The following PIK3AP1 variants were observed in gnomAD, a reference collection of about 807,000 sequenced individuals.
The protein encoded by PIK3AP1 is phosphoinositide 3-kinase adapter protein 1.
A neutral mutation model predicts 88.1 loss-of-function variants in PIK3AP1; 21 were observed. The observed-to-expected ratio is 0.24, with a 90% CI of 0.17 to 0.34. The LOEUF (loss-of-function observed/expected upper bound fraction) is 0.34. PIK3AP1 is among the 10% of genes least tolerant of loss of function. The pLI is 1.00. For missense variants in PIK3AP1, 828 were observed against 1,035.7 expected, an observed-to-expected ratio of 0.80 and a Z score of 2.75; for synonymous variants, 398 against 400.0, an observed-to-expected ratio of 1.00 and a Z score of 0.06.
rs1843269678 is a variant in PIK3AP1 at position 96,633,154 on chromosome 10, C to T, written c.1376-4661G>A. On this transcript the variant is annotated intron_variant, in intron 8 of 16. Coordinates refer to ENST00000339364, the MANE Select transcript of PIK3AP1 (RefSeq NM_152309.3). ...GCCAGAGTCAATGCCCTCAGGAAAGCCCAAAGAATGCTGTCCCTTTCAAGT... is the reference window on the plus strand; with the variant it reads ...GCCAGAGTCAATGCCCTCAGGAAAGTCCAAAGAATGCTGTCCCTTTCAAGT... 4 of 1,357,178 alleles carry T rather than the reference C, an allele frequency of 2.9e-6. No individual in the cohort carries two copies. In the East Asian group the frequency reaches 7.6e-5, roughly 26 times the overall value. 84.1% of individuals were successfully genotyped at this position (1,357,178 alleles called of 1,614,324 possible).
chr10:96,678,225 G>C (rs1347485529), intron 2 of PIK3AP1, among the ~76,000 whole-genome samples: 1 of 152,144 alleles, frequency 6.6e-6, no homozygotes, highest in Non-Finnish European at 1.5e-5. Context: ...TCTGAGGTCA[G>C]GAGTTCGAGA....
chr10:96,666,834 G>A (rs1356073408), intron 2 of PIK3AP1, among the ~76,000 whole-genome samples: 3 of 151,958 alleles, frequency 2.0e-5, no homozygotes, highest in African/African-American at 7.3e-5. Flanking sequence ...CCCAGCCAAG[G>A]TCAAGCAGCA....
chr10:96,638,572 A>G (rs1452189961), intron 8 of PIK3AP1, among the ~76,000 whole-genome samples: 1 of 152,202 alleles, frequency 6.6e-6, no homozygotes, highest in Non-Finnish European at 1.5e-5. Flanking sequence ...GCGGATAAAT[A>G]GTTTAGGAGA....
intron 3 of PIK3AP1, 89 bp from the exon 4 acceptor site, chr10:96,652,931 A>C: frequency 2.1e-6 from 3 of 1,422,900 alleles, no homozygotes; most frequent in Non-Finnish European, 2.9e-6. Flanking sequence ...CTCTTGCCCT[A>C]GCTCTACCTA....
At position 96,611,034 on chromosome 10, in the gene PIK3AP1, T is replaced by C. The variant is rs868079363; in HGVS notation, c.2015-1167A>G. Among the ~76,000 whole-genome samples, 32 of 152,046 alleles carry C rather than the reference T, an allele frequency of 2.1e-4. No homozygotes were observed. The Middle Eastern group carries it at 0.021, about 98-fold the overall frequency. On this transcript the variant is annotated intron_variant, in intron 13 of 16. Coordinates refer to ENST00000339364, the MANE Select transcript of PIK3AP1 (RefSeq NM_152309.3). ...CAGGCGTGGCAGGAAGTTCAGAGAG[T>C]CCAGGGGCAGAGGTGGCTCCACCTA...
At chr10:96,632,980 A>G in intron 8 of PIK3AP1, 1 of 1,612,838 alleles carries the variant, frequency 6.2e-7, no homozygotes, top group Admixed American at 1.7e-5. Context: ...TCTTCCTTTG[A>G]GCCAGTCCTT....
At chr10:96,633,528 G>A (rs1190075072) in intron 8 of PIK3AP1, among the ~76,000 whole-genome samples, 2 of 152,200 alleles carry the variant, frequency 1.3e-5, no homozygotes, top group East Asian at 3.9e-4. Context: ...ACAGTATCTA[G>A]CACATAGGAA....
At chr10:96,637,304 A>T (rs1392009891) in intron 8 of PIK3AP1, among the ~76,000 whole-genome samples, 4 of 142,678 alleles carry the variant, frequency 2.8e-5, no homozygotes, top group African/African-American at 1.1e-4. Flanking sequence ...GATGTGGGAG[A>T]GATATACAAT....
intron 1 of PIK3AP1, among the ~76,000 whole-genome samples, chr10:96,716,656 A>G (rs1844506081): frequency 6.6e-6 from 1 of 151,976 alleles, no homozygotes; most frequent in African/African-American, 2.4e-5. Flanking sequence ...TATGGGGGAA[A>G]CTCCTTTCTT....
At position 96,626,803 on chromosome 10, in the gene PIK3AP1, T is replaced by C. The variant is rs766710837; in HGVS notation, c.1574A>G (p.Asp525Gly). The change falls in exon 10 of 17, where the codon GAC (aspartate) becomes GGC (glycine). Residue 525 changes from aspartate (D) to glycine (G), a missense_variant. By Grantham distance (94) the Asp-to-Gly change is moderately conservative. Around this residue, in one of 3 missense-constraint regions of PIK3AP1, gnomAD observed 610 missense variants for 760.1 expected, o/e 0.80. Transcript: ENST00000339364. ...TVDDDEAFSV[D>G]LASRPPVPVP... ...TGGGACAGGGGGCCTGCTGGCCAGG[T>C]CCACAGAAAAGGCCTCATCGTCATC... 6.2e-7 allele frequency: 1 copy of C among 1,614,174 alleles called. No individual in the cohort carries two copies. The highest frequency in any genetic ancestry group is 2.2e-5 in the East Asian group (1 of 44,880).
chr10:96,600,373 T>C (rs1848866738), intron 16 of PIK3AP1, among the ~76,000 whole-genome samples: 1 of 152,240 alleles, frequency 6.6e-6, no homozygotes, highest in Admixed American at 6.5e-5. Context: ...CCATCACTGC[T>C]CTTGGTAAGC....
chr10:96,649,112 T>C (rs568087619), intron 6 of PIK3AP1, among the ~76,000 whole-genome samples: 23 of 152,278 alleles, frequency 1.5e-4, no homozygotes, highest in African/African-American at 4.1e-4. Context: ...AGTGGCGCGA[T>C]CTTGGCTCAC....
Position 96,652,717 on chromosome 10 carries a change from G to T in PIK3AP1, c.693C>A (p.Thr231=). 6.2e-7 allele frequency: 1 copy of T among 1,614,168 alleles called. No individual in the cohort carries two copies. The highest frequency in any genetic ancestry group is 8.5e-7 in the Non-Finnish European group (1 of 1,180,024). The part of the protein sequence containing the change: ...RMEAKVENEY[T]ISVKAPNLSS... The stretch of plus-strand genomic sequence containing the variant: ...ACTTACTGGGAGCCTTCACTGAAAT[G>T]GTGTACTCATTCTCCACCTTGGCTT... The change falls in exon 4 of 17, where the codon ACC becomes ACA. Residue 231 remains threonine, a synonymous_variant. Coordinates refer to ENST00000339364, the MANE Select transcript of PIK3AP1 (RefSeq NM_152309.3).
At chr10:96,687,255 CAAAA>C (rs59631566) in intron 2 of PIK3AP1, among the ~76,000 whole-genome samples, 187 of 55,264 alleles carry the variant, frequency 3.4e-3, no homozygotes, top group African/African-American at 4.5e-3. Flanking sequence ...TACTCCATCT[CAAAA>C]AAAAAAAAAA....
At chr10:96,719,513 C>T (rs2134300633) in intron 1 of PIK3AP1, among the ~76,000 whole-genome samples, 1 of 152,310 alleles carries the variant, frequency 6.6e-6, no homozygotes, top group Non-Finnish European at 1.5e-5. Flanking sequence ...TATTGCTTTC[C>T]TCTACAGGAC....
intron 8 of PIK3AP1, chr10:96,633,203 TC>T: frequency 1.1e-6 from 1 of 910,368 alleles, no homozygotes; most frequent in Non-Finnish European, 1.5e-6. Context: ...GTACAGATCC[TC>T]CCAGTTCCAG....
intron 14 of PIK3AP1, among the ~76,000 whole-genome samples, chr10:96,604,959 A>G (rs1168208071): frequency 6.6e-6 from 1 of 152,132 alleles, no homozygotes; most frequent in Non-Finnish European, 1.5e-5. Context: ...TCCCAGGTTC[A>G]ATGGATTCTC....
intron 2 of PIK3AP1, among the ~76,000 whole-genome samples, chr10:96,706,550 T>A (rs2134288220): frequency 6.6e-6 from 1 of 152,312 alleles, no homozygotes; most frequent in Admixed American, 6.5e-5. Flanking sequence ...ATTTAAGATT[T>A]TCTGGCCTAG....
intron 13 of PIK3AP1, among the ~76,000 whole-genome samples, chr10:96,612,970 ATATATATATATATTTTTTTTTTTTTTTTT>A (rs1449030660): frequency 1.9e-5 from 2 of 107,188 alleles, no homozygotes; most frequent in Admixed American, 1.1e-4. Context: ...ATATATATAT[ATATATATATATATTTTTTTTTTTTTTTTT>A]TTTTTTTTTT....
Sources: gnomAD v4.1 joint callset for allele counts (sites outside exome capture counted in the v4.1 genomes callset) on GRCh38, gnomAD v4.1.1 for gene constraint, gnomAD v4.1.1 regional missense constraint, MANE v1.5 for transcripts, NCBI Gene and HGNC (gene_info 2026-07-23, HGNC 2026-07-21) for gene names.